Variants in FGGY observed in about 807,000 individuals in gnomAD.
FGGY encodes FGGY carbohydrate kinase domain-containing protein.
FGGY carries 72 observed loss-of-function variants against 71.3 expected under a neutral mutation model. That is an observed-to-expected ratio of 1.01 (90% CI 0.84 to 1.23). FGGY has a LOEUF of 1.23. FGGY is among the 50% of genes most tolerant of loss of function. FGGY has a pLI of 0.00. For synonymous variants in FGGY, 251 were observed against 250.3 expected (o/e 1.00, Z -0.02); for missense variants, 668 against 682.3 (o/e 0.98, Z 0.23).
chr1:59,323,325 A>G (rs2046746607), intron 2 of FGGY, among the ~76,000 whole-genome samples: 1 of 152,218 alleles, frequency 6.6e-6, no homozygotes, highest in African/African-American at 2.4e-5. Flanking sequence ...TGGCCAACTT[A>G]TCATCTGTTT....
At chr1:59,297,762 G>A (rs1020327165) in intron 1 of FGGY, among the ~76,000 whole-genome samples, 5 of 151,798 alleles carry the variant, frequency 3.3e-5, no homozygotes, top group African/African-American at 1.2e-4. Context: ...GGCGGAGCTT[G>A]CAGTGAGCTG....
intron 2 of FGGY, among the ~76,000 whole-genome samples, chr1:59,335,959 C>T (rs1002245660): frequency 1.3e-5 from 2 of 151,948 alleles, no homozygotes; most frequent in Admixed American, 6.6e-5. Flanking sequence ...CTTGTCTTTT[C>T]GTTTTCTAAT....
chr1:59,483,306 C>G (rs1040324163), intron 6 of FGGY, among the ~76,000 whole-genome samples: 2 of 152,128 alleles, frequency 1.3e-5, no homozygotes, highest in Non-Finnish European at 2.9e-5. Flanking sequence ...ATTTGCCAGA[C>G]TAATATTTAC....
intron 14 of FGGY, among the ~76,000 whole-genome samples, chr1:59,719,592 G>T (rs1484999614): frequency 2.6e-5 from 4 of 152,142 alleles, no homozygotes; most frequent in Non-Finnish European, 5.9e-5. Context: ...ACTTTCTGGA[G>T]ACATTTCATT....
intron 14 of FGGY, chr1:59,697,769 G>GTTTA: frequency 8.7e-7 from 1 of 1,154,220 alleles, no homozygotes; most frequent in Non-Finnish European, 1.2e-6. Flanking sequence ...AAACAGAATT[G>GTTTA]CATGCTGTGC....
chr1:59,546,702 C>T lies in FGGY; in HGVS notation c.800-7422C>T, dbSNP rs6699621. Among the ~76,000 whole-genome samples, 201 of 151,766 alleles carry T rather than the reference C, an allele frequency of 1.3e-3. 2 individuals are homozygous for T. Among genetic ancestry groups the T allele is most frequent in the African/African-American group, 4.4e-3 (184 of 41,368 alleles). On this transcript the variant is annotated intron_variant, in intron 7 of 15. Transcript: ENST00000303721. ...GCTGGGACTATAGGTGCCGCCACCA[C>T]GCCCGGCTAATTTTTTGTATTTTTA...
At chr1:59,760,163 T>TC (rs1356038312) in intron 15 of FGGY, among the ~76,000 whole-genome samples, 1 of 152,142 alleles carries the variant, frequency 6.6e-6, no homozygotes, top group African/African-American at 2.4e-5. Flanking sequence ...AATGAATATT[T>TC]CCCCAAAGAA....
intron 8 of FGGY, among the ~76,000 whole-genome samples, chr1:59,601,745 GTCTT>G (rs1219980208): frequency 1.3e-5 from 2 of 152,156 alleles, no homozygotes; most frequent in Non-Finnish European, 2.9e-5. Flanking sequence ...TCTGATGTCT[GTCTT>G]TCTATATCTT....
chr1:59,723,780 G>C (rs1196578669), intron 14 of FGGY, among the ~76,000 whole-genome samples: 1 of 152,106 alleles, frequency 6.6e-6, no homozygotes, highest in East Asian at 1.9e-4. Context: ...TTTACTTTTT[G>C]TACTCTAACA....
Position 59,386,890 on chromosome 1 carries a change from T to A in FGGY, c.554+8053T>A, listed in dbSNP as rs1292605429. ...TTTCTTATATTTCTTTATATTAAAT[T>A]TACATATTCTACTTACTCATTTTAC... is the stretch of plus-strand genomic sequence containing the variant. On this transcript the variant is annotated intron_variant, in intron 5 of 15. Transcript: ENST00000303721. Among the ~76,000 whole-genome samples the A allele has an allele frequency of 4.6e-5, 7 of 152,154 alleles. No individual in the cohort carries two copies. In the East Asian group the frequency reaches 1.3e-3, roughly 29 times the overall value.
At chr1:59,324,518 C>T (rs1283503518) in intron 2 of FGGY, among the ~76,000 whole-genome samples, 1 of 151,718 alleles carries the variant, frequency 6.6e-6, no homozygotes, top group Non-Finnish European at 1.5e-5. Context: ...CCTCGTGATC[C>T]GCCCGCCTCG....
At chr1:59,325,363 C>T (rs2153146311) in intron 2 of FGGY, among the ~76,000 whole-genome samples, 1 of 61,264 alleles carries the variant, frequency 1.6e-5, no homozygotes, top group African/African-American at 7.0e-5. Flanking sequence ...TGTCCAACAA[C>T]AGCAACAACA....
intron 14 of FGGY, among the ~76,000 whole-genome samples, chr1:59,685,744 T>C (rs1030163862): frequency 2.0e-5 from 3 of 152,214 alleles, no homozygotes; most frequent in African/African-American, 4.8e-5. Context: ...GTCTCTGATC[T>C]GGACTAGGCA....
At chr1:59,615,515 A>C (rs1408113276) in intron 9 of FGGY, among the ~76,000 whole-genome samples, 5 of 152,228 alleles carry the variant, frequency 3.3e-5, no homozygotes, top group Non-Finnish European at 7.3e-5. Context: ...TTAAAGACTT[A>C]AATGTTAGAC....
intron 4 of FGGY, among the ~76,000 whole-genome samples, chr1:59,355,124 G>A (rs2054056397): frequency 6.6e-6 from 1 of 152,168 alleles, no homozygotes; most frequent in African/African-American, 2.4e-5. Context: ...AAACATGGGT[G>A]TGACACAGTA....
intron 7 of FGGY, among the ~76,000 whole-genome samples, chr1:59,526,742 G>A (rs1478752260): frequency 6.6e-6 from 1 of 152,208 alleles, no homozygotes; most frequent in Admixed American, 6.5e-5. Context: ...CCATTCAAAT[G>A]TGCGAGAGGG....
At position 59,526,632 on chromosome 1, in the gene FGGY, C is replaced by T. The variant is rs1056489008; in HGVS notation, c.799+14193C>T. On this transcript the variant is annotated intron_variant, in intron 7 of 15. Transcript: ENST00000303721. The stretch of plus-strand genomic sequence containing the variant: ...GGTGAAAACTCCTAGAAAGTGAAAA[C>T]TTGGATAAGCCTTTTAAGAAGCAGT... 2.8e-4 allele frequency among the ~76,000 whole-genome samples: 43 copies of T among 152,200 alleles called. 1 individual carries two copies. Among genetic ancestry groups the T allele is most frequent in the African/African-American group, 8.7e-4 (36 of 41,442 alleles).
chr1:59,493,474 G>A (rs993255413), intron 6 of FGGY, among the ~76,000 whole-genome samples: 10 of 152,080 alleles, frequency 6.6e-5, no homozygotes, highest in Admixed American at 6.5e-4. Flanking sequence ...AGGGAATTAT[G>A]ACACATACTA....
intron 14 of FGGY, among the ~76,000 whole-genome samples, chr1:59,674,700 T>C (rs949806630): frequency 4.6e-5 from 7 of 152,214 alleles, no homozygotes; most frequent in Non-Finnish European, 8.8e-5. Flanking sequence ...ACATGATAAA[T>C]TGCATAATTC....
Sources: gnomAD v4.1 joint callset for allele counts (sites outside exome capture counted in the v4.1 genomes callset) on GRCh38, gnomAD v4.1.1 for gene constraint, MANE v1.5 for transcripts, NCBI Gene and HGNC (gene_info 2026-07-23, HGNC 2026-07-21) for gene names.